Variants in STK3 observed in about 807,000 individuals in gnomAD.
STK3 encodes serine/threonine-protein kinase 3.
STK3 carries 41 observed loss-of-function variants against 58.0 expected under a neutral mutation model. The ratio of observed to expected loss-of-function variants is 0.71; its 90% CI spans 0.55 to 0.92. STK3 has a LOEUF of 0.92. STK3 is among the 40% of genes least tolerant of loss of function. The pLI, the probability that STK3 is intolerant of heterozygous loss-of-function variation, is 0.00. For synonymous variants in STK3, 170 were observed against 191.0 expected (o/e 0.89, Z 0.91); for missense variants, 479 against 602.7 (o/e 0.79, Z 2.15).
At chr8:98,793,543 C>T (rs1423179284) in intron 1 of STK3, among the ~76,000 whole-genome samples, 2 of 152,066 alleles carry the variant, frequency 1.3e-5, no homozygotes, top group African/African-American at 4.8e-5. Flanking sequence ...AACAAGCAAA[C>T]AAATACTTCT....
chr8:98,834,882 A>C (rs1214600472), intron 3 of STK3, among the ~76,000 whole-genome samples: 2 of 152,274 alleles, frequency 1.3e-5, no homozygotes, highest in Non-Finnish European at 2.9e-5. Context: ...CCAAAGCTTG[A>C]GAATGACCTT....
chr8:98,735,314 C>T (rs1361937339), intron 4 of STK3, among the ~76,000 whole-genome samples: 1 of 152,118 alleles, frequency 6.6e-6, no homozygotes, highest in Non-Finnish European at 1.5e-5. Flanking sequence ...AACTACTCTT[C>T]TCCCAAACAC....
chr8:98,440,707 G>T (rs1818659413), intron 1 of STK3, among the ~76,000 whole-genome samples: 1 of 152,152 alleles, frequency 6.6e-6, no homozygotes, highest in Admixed American at 6.5e-5. Flanking sequence ...TGTCTTCTCA[G>T]CTAAAATCTA....
chr8:98,406,218 C>T (rs996299092), intron 3 of STK3, among the ~76,000 whole-genome samples: 1 of 151,192 alleles, frequency 6.6e-6, no homozygotes, highest in African/African-American at 2.4e-5. Flanking sequence ...TTATCTTCCC[C>T]CCAGGCATTT....
chr8:98,748,101 T>C (rs963032796), intron 4 of STK3, among the ~76,000 whole-genome samples: 3 of 152,140 alleles, frequency 2.0e-5, no homozygotes, highest in African/African-American at 4.8e-5. Flanking sequence ...ACTAAGAAAA[T>C]AGAGATGTTT....
chr8:98,489,132 T>C (rs1199037296), intron 10 of STK3, among the ~76,000 whole-genome samples: 1 of 152,064 alleles, frequency 6.6e-6, no homozygotes, highest in African/African-American at 2.4e-5. Flanking sequence ...AAAAAGGCCC[T>C]AAAAACTATC....
At chr8:98,396,665 C>A (rs1014753227), downstream of STK3, among the ~76,000 whole-genome samples, 4 of 152,230 alleles carry the variant, frequency 2.6e-5, no homozygotes, top group African/African-American at 9.6e-5. Flanking sequence ...AACTCCACAG[C>A]CTCTACTTAG....
At chr8:98,845,923 C>G (rs1836183054) in intron 3 of STK3, among the ~76,000 whole-genome samples, 1 of 152,170 alleles carries the variant, frequency 6.6e-6, no homozygotes, top group African/African-American at 2.4e-5. Flanking sequence ...ACTTAAAGAC[C>G]AGGCTGCCTT....
At chr8:98,549,731 A>G (rs1389409876) in intron 8 of STK3, among the ~76,000 whole-genome samples, 1 of 151,160 alleles carries the variant, frequency 6.6e-6, no homozygotes, top group African/African-American at 2.5e-5. Flanking sequence ...CATAAAAATA[A>G]ATTAACAAAT....
At position 98,833,195 on chromosome 8, in the gene STK3, CT is replaced by C. The variant is rs1436902630; in HGVS notation, c.110+50451del. 3.3e-5 allele frequency among the ~76,000 whole-genome samples: 5 copies of C among 152,174 alleles called. No homozygotes were observed. The East Asian group carries it at 9.7e-4, about 29-fold the overall frequency. On this transcript the variant is annotated intron_variant, in intron 3 of 12. Transcript: ENST00000523601. Reference sequence around the variant, plus strand: ...TTTATATTGGTGTGGCCTGGAAAGGCTTCTCAAAGTTGGGGGGTGCAGGGGG... The same window carrying C: ...TTTATATTGGTGTGGCCTGGAAAGGCTCTCAAAGTTGGGGGGTGCAGGGGG...
At chr8:98,792,896 A>ATGTGTGTGTGTGTGTGTG (rs34465301) in intron 1 of STK3, among the ~76,000 whole-genome samples, 79 of 145,758 alleles carry the variant, frequency 5.4e-4, no homozygotes, top group African/African-American at 1.9e-3. Context: ...AAGAGACTGT[A>ATGTGTGTGTGTGTGTGTG]TGTGTGTGTG....
intron 10 of STK3, among the ~76,000 whole-genome samples, chr8:98,471,701 C>T (rs1051027712): frequency 6.6e-6 from 1 of 152,070 alleles, no homozygotes; most frequent in Non-Finnish European, 1.5e-5. Flanking sequence ...CCATCATATA[C>T]CTGGGACTGT....
chr8:98,377,160 C>A (rs938917771), intron 2 of STK3, among the ~76,000 whole-genome samples: 1 of 152,086 alleles, frequency 6.6e-6, no homozygotes, highest in Non-Finnish European at 1.5e-5. Context: ...CAATCAATTC[C>A]CCTTAACCTT....
intron 1 of STK3, among the ~76,000 whole-genome samples, chr8:98,886,263 T>C (rs1837987786): frequency 6.6e-6 from 1 of 152,218 alleles, no homozygotes. Context: ...GTCAACTTCC[T>C]AATTCTGATC....
chr8:98,527,126 C>T (rs1452255014), intron 9 of STK3, among the ~76,000 whole-genome samples: 1 of 151,908 alleles, frequency 6.6e-6, no homozygotes, highest in East Asian at 1.9e-4. Context: ...GATGATTAGG[C>T]AAAGGTCTGG....
intron 4 of STK3, chr8:98,722,649 A>AT (rs1209203587): frequency 1.9e-5 from 3 of 157,512 alleles, no homozygotes; most frequent in Admixed American, 6.5e-5. Context: ...TCATTCACAT[A>AT]TAAGCACAGC....
chr8:98,427,402 G>C (rs1818251966), intron 3 of STK3: 1 of 152,128 alleles, frequency 6.6e-6, no homozygotes, highest in Non-Finnish European at 1.5e-5. Context: ...CGCGGCCCCG[G>C]GGCATAGCGC....
At chr8:98,374,347 C>A (rs1817649933) in intron 2 of STK3, among the ~76,000 whole-genome samples, 1 of 152,052 alleles carries the variant, frequency 6.6e-6, no homozygotes, top group Non-Finnish European at 1.5e-5. Flanking sequence ...GTACCAACCA[C>A]TCATATCTGG....
intron 1 of STK3, among the ~76,000 whole-genome samples, chr8:98,809,173 TG>T (rs1834068079): frequency 6.6e-6 from 1 of 152,180 alleles, no homozygotes; most frequent in Non-Finnish European, 1.5e-5. Context: ...TATAATAAAC[TG>T]GTAATAGTAA....
Sources: allele counts gnomAD v4.1 joint callset (sites outside exome capture counted in the v4.1 genomes callset), GRCh38; gene constraint gnomAD v4.1.1; transcripts MANE v1.5; gene names NCBI Gene and HGNC (gene_info 2026-07-23, HGNC 2026-07-21).